The following SAP18 variants were observed in gnomAD, a reference collection of about 807,000 sequenced individuals.
SAP18 encodes histone deacetylase complex subunit SAP18.
A neutral mutation model predicts 18.6 loss-of-function variants in SAP18; 4 were observed. The ratio of observed to expected loss-of-function variants is 0.21; its 90% CI spans 0.11 to 0.49. The LOEUF (loss-of-function observed/expected upper bound fraction) is 0.49. Among genes scored for constraint, SAP18 ranks in the 20% least tolerant of loss-of-function variants. The pLI, the probability that SAP18 is intolerant of heterozygous loss-of-function variation, is 0.98. For missense variants in SAP18, 170 were observed against 226.4 expected (o/e 0.75, Z 1.60); for synonymous variants, 112 against 82.8 (o/e 1.35, Z -1.92).
intron 2 of SAP18, among the ~76,000 whole-genome samples, chr13:21,143,825 A>T (rs921396259): frequency 5.3e-5 from 8 of 152,264 alleles, no homozygotes; most frequent in African/African-American, 1.9e-4. Context: ...ACTTTAAGTT[A>T]CATCTCAAAA....
At chr13:21,140,749 C>T in intron 1 of SAP18, 68 bp downstream of exon 1, 1 of 1,593,656 alleles carries the variant, frequency 6.3e-7, no homozygotes, top group Non-Finnish European at 8.6e-7. Flanking sequence ...TGCAGAGGCG[C>T]GGCCTGTGTG....
At chr13:21,147,325 C>T (rs1869684309) in exon 4 of SAP18, 7 of 1,606,250 alleles carry the variant, frequency 4.4e-6, no homozygotes, top group African/African-American at 2.7e-5. Context: ...TCCTTCAGGG[C>T]GCATGAGACC....
At chr13:21,140,844 G>A (rs772472003) in intron 1 of SAP18, 42 bp from the exon 2 acceptor site, 1 of 1,584,654 alleles carries the variant, frequency 6.3e-7, no homozygotes, top group South Asian at 1.1e-5. Flanking sequence ...GTTCGCAGCT[G>A]GTGTTTTTAA....
intron 2 of SAP18, 188 bp downstream of exon 2, chr13:21,141,183 C>T (rs1368894226): frequency 3.3e-6 from 2 of 597,902 alleles, no homozygotes; most frequent in East Asian, 5.6e-5. Context: ...CGTATTGTAA[C>T]GCTTTTGTGA....
intron 2 of SAP18, among the ~76,000 whole-genome samples, chr13:21,143,597 C>T (rs945079017): frequency 1.3e-5 from 2 of 152,122 alleles, no homozygotes; most frequent in African/African-American, 4.8e-5. Context: ...GCTGTGTGTG[C>T]TTAGATCCTG....
At chr13:21,140,856 T>G in intron 1 of SAP18, 30 bp from the exon 2 acceptor site, 1 of 1,598,670 alleles carries the variant, frequency 6.3e-7, no homozygotes, top group South Asian at 1.1e-5. Flanking sequence ...TGTTTTTAAC[T>G]TCTGCCCTTC....
chr13:21,140,703 G>A, intron 1 of SAP18, 22 bp downstream of exon 1: 1 of 1,607,048 alleles, frequency 6.2e-7, no homozygotes, highest in South Asian at 1.1e-5. Context: ...CTCCGCTTTG[G>A]GGTCCGGGAA....
At chr13:21,145,669 C>G (rs941330541) in intron 2 of SAP18, among the ~76,000 whole-genome samples, 28 of 152,116 alleles carry the variant, frequency 1.8e-4, no homozygotes, top group African/African-American at 6.8e-4. Context: ...TGTGCCACAA[C>G]GCCTGGCTAA....
upstream of SAP18, chr13:21,140,497 C>T (rs1038281216): frequency 1.1e-4 from 170 of 1,524,366 alleles, 2 homozygotes; most frequent in South Asian, 2.0e-3. Context: ...ACGCCCCGCC[C>T]AGCCCCTGGC....
At chr13:21,140,444 T>A, upstream of SAP18, 1 of 1,301,982 alleles carries the variant, frequency 7.7e-7, no homozygotes, top group South Asian at 1.5e-5. Context: ...GCAGGCGCGC[T>A]CCGGCTCGCT....
At chr13:21,143,423 T>G (rs1410283218) in intron 2 of SAP18, among the ~76,000 whole-genome samples, 2 of 152,180 alleles carry the variant, frequency 1.3e-5, no homozygotes, top group Non-Finnish European at 2.9e-5. Context: ...CTTGTTAAAT[T>G]TATGTAGTAG....
At chr13:21,143,258 A>C (rs1279966314) in intron 2 of SAP18, among the ~76,000 whole-genome samples, 1 of 152,150 alleles carries the variant, frequency 6.6e-6, no homozygotes, top group Non-Finnish European at 1.5e-5. Context: ...GTCATATGTT[A>C]ACTTTGTTTA....
rs574892992 is a variant in SAP18 at position 21,146,161 on chromosome 13, A to AC, written c.240-643dup. On this transcript the variant is annotated intron_variant, in intron 2 of 3. Transcript: ENST00000621421. ...CAGGAGTTCGAGACCAGCATGGCCA[A>AC]CATGGTGAAACCCTGTCTCTACTAA... 4.7e-4 allele frequency among the ~76,000 whole-genome samples: 71 copies of AC among 152,316 alleles called. No individual in the cohort carries two copies. The East Asian group carries it at 0.011, about 23-fold the overall frequency.
chr13:21,145,142 C>A (rs1296754085), intron 2 of SAP18, among the ~76,000 whole-genome samples: 1 of 149,842 alleles, frequency 6.7e-6, no homozygotes, highest in Non-Finnish European at 1.5e-5. Context: ...TCTCGGCTCA[C>A]TGCAACCTCT....
chr13:21,140,127 C>G (rs185979033), upstream of SAP18, among the ~76,000 whole-genome samples: 294 of 152,290 alleles, frequency 1.9e-3, no homozygotes, highest in Non-Finnish European at 2.9e-3. Flanking sequence ...CTAAGCCACC[C>G]GAACTGTGTG....
At chr13:21,147,085 G>A (rs1869675975) in intron 3 of SAP18, 101 bp from the exon 4 acceptor site, 1 of 1,448,610 alleles carries the variant, frequency 6.9e-7, no homozygotes, top group Admixed American at 2.2e-5. Flanking sequence ...TTGGAAGTGT[G>A]TTATAAAATG....
intron 1 of SAP18, 83 bp from the exon 2 acceptor site, chr13:21,140,803 G>T (rs1869437514): frequency 6.4e-7 from 1 of 1,568,638 alleles, no homozygotes; most frequent in Admixed American, 1.7e-5. Flanking sequence ...CTCGGAGGCC[G>T]CAACGCCTCG....
intron 2 of SAP18, chr13:21,141,557 A>G (rs1869463754): frequency 1.2e-5 from 2 of 160,356 alleles, no homozygotes; most frequent in African/African-American, 4.8e-5. Flanking sequence ...GTACCTCCCT[A>G]CAAACTACTG....
upstream of SAP18, among the ~76,000 whole-genome samples, chr13:21,140,336 G>A (rs1203785208): frequency 6.6e-6 from 1 of 152,214 alleles, no homozygotes; most frequent in East Asian, 1.9e-4. Context: ...GAATATTTAA[G>A]GGAAAAAAAC....
Sources: allele counts gnomAD v4.1 joint callset (sites outside exome capture counted in the v4.1 genomes callset), GRCh38; gene constraint gnomAD v4.1.1; transcripts MANE v1.5; gene names NCBI Gene and HGNC (gene_info 2026-07-23, HGNC 2026-07-21).